Variants in SRBD1 observed in about 807,000 individuals in gnomAD.
SRBD1 encodes S1 RNA-binding domain-containing protein 1.
A neutral mutation model predicts 115.3 loss-of-function variants in SRBD1; 88 were observed. The ratio of observed to expected loss-of-function variants is 0.76; its 90% CI spans 0.64 to 0.91. SRBD1 has a LOEUF of 0.91. SRBD1 is among the 40% of genes least tolerant of loss of function. The pLI is 0.00. For missense variants in SRBD1, 1,385 were observed against 1,177.4 expected, an observed-to-expected ratio of 1.18 and a Z score of -2.58; for synonymous variants, 509 against 407.7, an observed-to-expected ratio of 1.25 and a Z score of -2.99.
rs536963256 is a variant in SRBD1 at position 45,542,117 on chromosome 2, G to C, written c.1874+4615C>G. On this transcript the variant is annotated intron_variant, in intron 14 of 20. Transcript: ENST00000263736. ...GGGGACACCTGTAGGCCTGTGCCAAGCTGCCCTTAGCCATCACCCCACCCC... is the reference window on the plus strand; with the variant it reads ...GGGGACACCTGTAGGCCTGTGCCAACCTGCCCTTAGCCATCACCCCACCCC... Among the ~76,000 whole-genome samples, 12 of 152,336 alleles carry C rather than the reference G, an allele frequency of 7.9e-5. No individual in the cohort carries two copies. The South Asian group carries it at 1.4e-3, about 18-fold the overall frequency.
intron 14 of SRBD1, among the ~76,000 whole-genome samples, chr2:45,510,037 A>C (rs1670919703): frequency 6.6e-6 from 1 of 152,192 alleles, no homozygotes; most frequent in African/African-American, 2.4e-5. Context: ...GCCCAGCTAG[A>C]TATTTTTTCA....
intron 4 of SRBD1, among the ~76,000 whole-genome samples, chr2:45,596,442 T>C (rs1421527934): frequency 6.6e-6 from 1 of 152,220 alleles, no homozygotes; most frequent in Non-Finnish European, 1.5e-5. Context: ...CTCTCAAAGC[T>C]CTGAAATCAC....
Position 45,389,613 on chromosome 2 carries a change from AAAGT to A in SRBD1, c.2699-18_2699-15del. 3.1e-6 allele frequency: 5 copies of A among 1,608,300 alleles called. No individual in the cohort carries two copies. The highest frequency in any genetic ancestry group is 4.2e-6 in the Non-Finnish European group (5 of 1,177,506). ...GTTTATCAAAATCTGTAAGAGAAAA[AAAGT>A]AAGTGTAAATAAGGCATTGTACTTC... On this transcript the variant is annotated splice_polypyrimidine_tract_variant and intron_variant, in intron 20 of 20. Coordinates refer to ENST00000263736, the MANE Select transcript of SRBD1 (RefSeq NM_018079.5).
intron 14 of SRBD1, among the ~76,000 whole-genome samples, chr2:45,495,301 T>A (rs1014722327): frequency 1.3e-5 from 2 of 152,184 alleles, no homozygotes; most frequent in Non-Finnish European, 2.9e-5. Flanking sequence ...AACTCAATGG[T>A]ACCTTCAAAT....
At chr2:45,507,003 G>C (rs1670818585) in intron 14 of SRBD1, among the ~76,000 whole-genome samples, 1 of 152,080 alleles carries the variant, frequency 6.6e-6, no homozygotes, top group Non-Finnish European at 1.5e-5. Flanking sequence ...CTGAAATAGA[G>C]GGTTTTGTTT....
intron 10 of SRBD1, among the ~76,000 whole-genome samples, chr2:45,557,001 GT>G (rs1328190394): frequency 6.6e-6 from 1 of 151,992 alleles, no homozygotes; most frequent in African/African-American, 2.4e-5. Flanking sequence ...TCTGAGATAG[GT>G]TTTTTTAATG....
chr2:45,391,437 G>A (rs1666996082), intron 20 of SRBD1, among the ~76,000 whole-genome samples: 1 of 152,156 alleles, frequency 6.6e-6, no homozygotes, highest in Non-Finnish European at 1.5e-5. Flanking sequence ...AGAAAATGGA[G>A]AAAAGAGATG....
At chr2:45,393,277 G>A in intron 19 of SRBD1, 148 bp from the exon 20 acceptor site, 1 of 785,836 alleles carries the variant, frequency 1.3e-6, no homozygotes, top group East Asian at 3.1e-5. Flanking sequence ...GTCCTGTGCT[G>A]TAAACTGTCC....
chr2:45,490,737 G>C (rs1670267288), intron 14 of SRBD1, among the ~76,000 whole-genome samples: 1 of 151,984 alleles, frequency 6.6e-6, no homozygotes, highest in Non-Finnish European at 1.5e-5. Flanking sequence ...AATAGACTGA[G>C]GGAAACTATT....
chr2:45,486,932 C>A (rs1195563249), intron 15 of SRBD1, among the ~76,000 whole-genome samples: 2 of 151,788 alleles, frequency 1.3e-5, no homozygotes, highest in Non-Finnish European at 2.9e-5. Context: ...TTCCTTCTGC[C>A]ATTATTATTA....
At chr2:45,470,928 A>C in intron 16 of SRBD1, among the ~76,000 whole-genome samples, 1 of 152,212 alleles carries the variant, frequency 6.6e-6, no homozygotes. Context: ...TTAAACCAAA[A>C]GTATTTTAGT....
chr2:45,456,334 G>C (rs1361906608), intron 16 of SRBD1, among the ~76,000 whole-genome samples: 2 of 151,892 alleles, frequency 1.3e-5, no homozygotes, highest in Non-Finnish European at 2.9e-5. Context: ...AGCTCTGTAA[G>C]AATCAGACAG....
At chr2:45,405,165 T>C (rs1667397246) in intron 19 of SRBD1, among the ~76,000 whole-genome samples, 1 of 152,162 alleles carries the variant, frequency 6.6e-6, no homozygotes, top group Non-Finnish European at 1.5e-5. Context: ...CTGTGTCTCT[T>C]TGAGAGCAGG....
intron 8 of SRBD1, among the ~76,000 whole-genome samples, chr2:45,574,198 A>T (rs1035970777): frequency 1.3e-5 from 2 of 152,208 alleles, no homozygotes; most frequent in African/African-American, 4.8e-5. Context: ...TTTTATTCAT[A>T]TCTGATATTA....
At chr2:45,462,097 T>C (rs1187061509) in intron 16 of SRBD1, among the ~76,000 whole-genome samples, 1 of 152,298 alleles carries the variant, frequency 6.6e-6, no homozygotes, top group East Asian at 1.9e-4. Context: ...TGTTGTGGTG[T>C]TGAAAGTTAA....
chr2:45,555,553 C>T (rs546305705), intron 10 of SRBD1, among the ~76,000 whole-genome samples: 2 of 146,514 alleles, frequency 1.4e-5, no homozygotes, highest in East Asian at 2.0e-4. Context: ...TGCAGTGGCG[C>T]GATCCCGGCC....
At chr2:45,595,196 G>T (rs887464696) in intron 4 of SRBD1, among the ~76,000 whole-genome samples, 21 of 152,106 alleles carry the variant, frequency 1.4e-4, no homozygotes, top group African/African-American at 5.1e-4. Context: ...ATATAGTTCT[G>T]CCTCTCCAAA....
At chr2:45,492,565 A>G (rs920893846) in intron 14 of SRBD1, among the ~76,000 whole-genome samples, 1 of 152,058 alleles carries the variant, frequency 6.6e-6, no homozygotes, top group East Asian at 1.9e-4. Context: ...CAGCCTCCCA[A>G]GTAGCTGGGA....
chr2:45,545,297 A>C (rs1672079106), intron 14 of SRBD1, among the ~76,000 whole-genome samples: 1 of 147,188 alleles, frequency 6.8e-6, no homozygotes, highest in Non-Finnish European at 1.5e-5. Context: ...AAAAAAAAAA[A>C]AAAAAAAAAA....
Sources: gnomAD v4.1 joint callset for allele counts (sites outside exome capture counted in the v4.1 genomes callset) on GRCh38, gnomAD v4.1.1 for gene constraint, MANE v1.5 for transcripts, NCBI Gene and HGNC (gene_info 2026-07-23, HGNC 2026-07-21) for gene names.